Variants in DLST observed in about 807,000 individuals in gnomAD.
DLST encodes dihydrolipoyllysine-residue succinyltransferase component of 2-oxoglutarate dehydrogenase complex, mitochondrial.
A neutral mutation model predicts 53.1 loss-of-function variants in DLST; 17 were observed. That is an observed-to-expected ratio of 0.32 (90% CI 0.22 to 0.48). The LOEUF (loss-of-function observed/expected upper bound fraction) is 0.48, where lower values mean the gene tolerates loss of function less well. Among genes scored for constraint, DLST ranks in the 20% least tolerant of loss-of-function variants. The pLI, the probability that DLST is intolerant of heterozygous loss-of-function variation, is 0.99. For missense variants in DLST, 512 were observed against 583.9 expected, an observed-to-expected ratio of 0.88 and a Z score of 1.27; for synonymous variants, 206 against 204.8, an observed-to-expected ratio of 1.01 and a Z score of -0.05.
chr14:74,890,415 A>G (rs1003619103), intron 6 of DLST, among the ~76,000 whole-genome samples: 4 of 151,836 alleles, frequency 2.6e-5, no homozygotes, highest in African/African-American at 9.7e-5. Flanking sequence ...ACCGCACCTG[A>G]CCTGCATTTA....
At chr14:74,891,736 AGTCTATTT>A (rs1883914286) in intron 7 of DLST, 1 of 985,020 alleles carries the variant, frequency 1.0e-6, no homozygotes, top group South Asian at 4.7e-5. Context: ...ACCACTAAAA[AGTCTATTT>A]CTTTTTCCTA....
chr14:74,884,174 A>G (rs1435787900), intron 2 of DLST, among the ~76,000 whole-genome samples: 1 of 152,230 alleles, frequency 6.6e-6, no homozygotes, highest in African/African-American at 2.4e-5. Flanking sequence ...ACAGGAAAGG[A>G]CTTGACCAGT....
chr14:74,901,003 G>A, intron 13 of DLST, 63 bp from the exon 14 acceptor site: 1 of 1,573,024 alleles, frequency 6.4e-7, no homozygotes, highest in Non-Finnish European at 8.6e-7. Context: ...TGGGATTATG[G>A]ACTGACTTTA....
Position 74,894,335 on chromosome 14 carries a change from G to C in DLST, c.696G>C (p.Gln232His), listed in dbSNP as rs1059320. 1.2e-6 allele frequency: 2 copies of C among 1,614,188 alleles called. No homozygotes were observed. Among genetic ancestry groups the C allele is most frequent in the Non-Finnish European group, 1.7e-6 (2 of 1,180,026 alleles). ...EHREKMNRMR[Q>H]RIAQRLKEAQ... ...AGGAGAAAATGAACAGGATGCGGCA[G>C]CGCATTGCTCAGCGTCTGAAGGAGG... Residue 232 changes from glutamine (Q) to histidine (H), a missense_variant, in exon 10 of 15, where the codon CAG becomes CAC. Physicochemically the swap from Gln to His is conservative, Grantham distance 24 (BLOSUM62 0). Transcript: ENST00000334220.
chr14:74,887,756 C>CT (rs1326332020), intron 3 of DLST, among the ~76,000 whole-genome samples: 7 of 152,168 alleles, frequency 4.6e-5, no homozygotes, highest in South Asian at 2.1e-4. Flanking sequence ...TAGTTCTTGC[C>CT]TATAGGCATG....
At chr14:74,890,849 G>A (rs1883879840) in intron 6 of DLST, among the ~76,000 whole-genome samples, 1 of 152,060 alleles carries the variant, frequency 6.6e-6, no homozygotes, top group South Asian at 2.1e-4. Flanking sequence ...TTACATTTTT[G>A]TAGTTTTTAG....
chr14:74,883,707 T>C (rs1399423162), intron 2 of DLST, among the ~76,000 whole-genome samples: 3 of 152,208 alleles, frequency 2.0e-5, no homozygotes, highest in Non-Finnish European at 4.4e-5. Context: ...ATTTTACAAA[T>C]GCATAACCCA....
At chr14:74,890,715 C>CTGT (rs959370785) in intron 6 of DLST, among the ~76,000 whole-genome samples, 28 of 151,994 alleles carry the variant, frequency 1.8e-4, no homozygotes, top group Admixed American at 3.9e-4. Flanking sequence ...TGGAGATACG[C>CTGT]TGTTGTTGTT....
rs1006942267 is a variant in DLST, at chr14:74,882,072, G to A, written c.63+56G>A. 6 of 1,426,502 alleles carry A rather than the reference G, an allele frequency of 4.2e-6. No individual in the cohort carries two copies. In the Admixed American group the frequency reaches 7.8e-5, roughly 18 times the overall value. 88.4% of individuals were successfully genotyped at this position (1,426,502 alleles called of 1,614,324 possible). ...GGTGAGGAGTCTGTTGGCGGGCAGAGAGGCGGCCTGGAAGGCAGGGGCGCG... is the reference window on the plus strand; with the variant it reads ...GGTGAGGAGTCTGTTGGCGGGCAGAAAGGCGGCCTGGAAGGCAGGGGCGCG... On this transcript the variant is annotated intron_variant, in intron 1 of 14. Transcript: ENST00000334220.
rs1297560012 is a variant in DLST at position 74,882,605 on chromosome 14, A to T, written c.78A>T (p.Leu26=). 6 of 1,613,816 alleles carry T rather than the reference A, an allele frequency of 3.7e-6. No individual in the cohort carries two copies. The East Asian group carries it at 1.3e-4, about 36-fold the overall frequency. ...TTTCTCAACAGGGGAACTGCCCTCTAGGGAGACGTTCCCTGCCTGGTAAGT... is the reference window on the plus strand; with the variant it reads ...TTTCTCAACAGGGGAACTGCCCTCTTGGGAGACGTTCCCTGCCTGGTAAGT... ...LSAFQKGNCP[L]GRRSLPGVSL... The change falls in exon 2 of 15, where the codon CTA becomes CTT. Residue 26 remains leucine (L), a synonymous_variant. Transcript: ENST00000334220.
chr14:74,900,168 T>C, intron 12 of DLST, 121 bp from the exon 13 acceptor site: 1 of 1,128,966 alleles, frequency 8.9e-7, no homozygotes, highest in Non-Finnish European at 1.3e-6. Flanking sequence ...CACTTTCTGT[T>C]AATCACACTG....
At chr14:74,882,428 G>GC (rs2140183066) in intron 1 of DLST, among the ~76,000 whole-genome samples, 163 bp from the exon 2 acceptor site, 1 of 152,290 alleles carries the variant, frequency 6.6e-6, no homozygotes, top group East Asian at 1.9e-4. Context: ...GGCAGGCCCA[G>GC]CGTGTTGATT....
At chr14:74,898,606 A>G (rs1877193132) in intron 11 of DLST, 107 bp downstream of exon 11, 3 of 1,337,324 alleles carry the variant, frequency 2.2e-6, no homozygotes, top group South Asian at 1.5e-5. Flanking sequence ...TTTATTTGCT[A>G]CCTATAGAAA....
At position 74,887,474 on chromosome 14, in the gene DLST, C is replaced by A. The variant is rs1012781585; in HGVS notation, c.147-1621C>A. ...ATCACCCCAATCATGTCACCCTAAT[C>A]CAGTATCTTTGTGTGTGTTGTGCCT... On this transcript the variant is annotated intron_variant, in intron 3 of 14. Coordinates refer to ENST00000334220, the MANE Select transcript of DLST (RefSeq NM_001933.5). Among the ~76,000 whole-genome samples, 6 of 152,164 alleles carry A rather than the reference C, an allele frequency of 3.9e-5. No individual in the cohort carries two copies. In the South Asian group the frequency reaches 1.2e-3, roughly 32 times the overall value.
intron 13 of DLST, among the ~76,000 whole-genome samples, chr14:74,900,839 C>T (rs1451911921): frequency 3.3e-5 from 5 of 152,180 alleles, no homozygotes; most frequent in Non-Finnish European, 2.9e-5. Flanking sequence ...ATTCTCCTGC[C>T]TCAGCCTCCC....
intron 3 of DLST, among the ~76,000 whole-genome samples, chr14:74,888,591 C>T (rs1206639865): frequency 6.6e-6 from 1 of 152,066 alleles, no homozygotes; most frequent in African/African-American, 2.4e-5. Context: ...CCTGTAGTCC[C>T]AGCTACCCGG....
chr14:74,894,190 GTACTTAGA>G, intron 9 of DLST, 114 bp from the exon 10 acceptor site: 3 of 1,132,044 alleles, frequency 2.7e-6, no homozygotes, highest in Non-Finnish European at 3.7e-6. Flanking sequence ...TGGAGCTCGT[GTACTTAGA>G]TACTGTAGTC....
At chr14:74,891,199 C>G (rs747956751) in intron 7 of DLST, 32 bp downstream of exon 7, 14 of 1,613,748 alleles carry the variant, frequency 8.7e-6, no homozygotes, top group Non-Finnish European at 1.2e-5. Context: ...TCAAGGTCTC[C>G]AGTGTTCCCT....
chr14:74,899,772 C>T (rs578105501), intron 11 of DLST, 151 bp from the exon 12 acceptor site: 2 of 581,162 alleles, frequency 3.4e-6, no homozygotes, highest in East Asian at 5.7e-5. Context: ...GGAATGCCAG[C>T]TGCCATGCAT....
Sources: allele counts gnomAD v4.1 joint callset (sites outside exome capture counted in the v4.1 genomes callset), GRCh38; gene constraint gnomAD v4.1.1; transcripts MANE v1.5; gene names NCBI Gene and HGNC (gene_info 2026-07-23, HGNC 2026-07-21).